Variants in SLC5A10 observed in about 807,000 individuals in gnomAD.
SLC5A10 encodes sodium/mannose cotransporter SLC5A10.
A neutral mutation model predicts 68.9 loss-of-function variants in SLC5A10; 55 were observed. That is an observed-to-expected ratio of 0.80 (90% confidence interval 0.64 to 1.00). The LOEUF is 1.00. Ranked by LOEUF, SLC5A10 falls within the 50% of genes least tolerant of loss-of-function variation. The pLI, the probability that SLC5A10 is intolerant of heterozygous loss-of-function variation, is 0.00. For synonymous variants in SLC5A10, 344 were observed against 344.8 expected (o/e 1.00, Z 0.02); for missense variants, 732 against 819.3 (o/e 0.89, Z 1.30).
chr17:18,966,351 C>T (rs947633921), intron 5 of SLC5A10, among the ~76,000 whole-genome samples: 7 of 152,144 alleles, frequency 4.6e-5, no homozygotes, highest in Non-Finnish European at 1.0e-4. Flanking sequence ...GTGGCCCTTC[C>T]TCGGGGATGC....
intron 9 of SLC5A10, among the ~76,000 whole-genome samples, chr17:18,981,930 T>C (rs1413225621): frequency 6.6e-6 from 1 of 152,128 alleles, no homozygotes; most frequent in Admixed American, 6.5e-5. Flanking sequence ...GCCTTCCCTG[T>C]CACTGAGCCC....
intron 9 of SLC5A10, among the ~76,000 whole-genome samples, chr17:18,984,554 T>G (rs1269310726): frequency 1.3e-5 from 2 of 152,200 alleles, no homozygotes; most frequent in East Asian, 1.9e-4. Flanking sequence ...AGCTGATGCT[T>G]CTTTGTTCAT....
intron 9 of SLC5A10, among the ~76,000 whole-genome samples, chr17:18,995,007 C>T (rs774615499): frequency 6.6e-6 from 1 of 152,202 alleles, no homozygotes; most frequent in African/African-American, 2.4e-5. Flanking sequence ...AGCATTAAAT[C>T]GTTTCCAAGT....
At chr17:18,960,698 C>A (rs1307170037) in intron 5 of SLC5A10, 46 bp downstream of exon 5, 2 of 1,554,838 alleles carry the variant, frequency 1.3e-6, no homozygotes, top group East Asian at 2.2e-5. Flanking sequence ...GAAACATCGC[C>A]AATCTGTGGG....
In SLC5A10 at chr17:18,969,163, G is replaced by C. The variant is rs377336455; in HGVS notation, c.559+6G>C. ...AGCCCTGTACACCATCGCAGGTATG[G>C]TGCCTGCAGCAGGGAGGTCCACCCA... On this transcript the variant is annotated splice_donor_region_variant and intron_variant, in intron 6 of 14. Transcript: ENST00000395645. 5.0e-6 allele frequency: 8 copies of C among 1,613,144 alleles called. No individual in the cohort carries two copies. The highest frequency in any genetic ancestry group is 5.1e-6 in the Non-Finnish European group (6 of 1,179,480).
chr17:19,004,092 C>G lies in SLC5A10; in HGVS notation c.983-9318C>G. 1 of 1,521,852 alleles carries G rather than the reference C, an allele frequency of 6.6e-7. No individual in the cohort carries two copies. 94.3% of individuals were successfully genotyped at this position (1,521,852 alleles called of 1,614,324 possible). A position where few individuals can be genotyped will look rare whatever the true frequency, so the allele number is the denominator to read the frequency against. On this transcript the variant is annotated intron_variant, in intron 9 of 14. Coordinates refer to ENST00000395645, the MANE Select transcript of SLC5A10 (RefSeq NM_001042450.4). This position sits in a 1 kb window ranked among gnomAD's most constrained non-coding sequence, Gnocchi z 5.4. The stretch of plus-strand genomic sequence containing the variant: ...CCGGGGGTGGGTGGGCAAGGTCCAG[C>G]TCCTAGCTCCGGCCCAGCTGGGGCA...
At chr17:18,976,721 C>A in intron 8 of SLC5A10, 133 bp from the exon 9 acceptor site, 2 of 1,200,260 alleles carry the variant, frequency 1.7e-6, no homozygotes, top group Non-Finnish European at 2.3e-6. Context: ...TTGAGTGTGG[C>A]TGTTTTGGGC....
intron 9 of SLC5A10, chr17:18,977,737 T>A: frequency 1.2e-6 from 2 of 1,607,458 alleles, no homozygotes; most frequent in Non-Finnish European, 1.7e-6. Context: ...GGCGCGGTGG[T>A]GGGGTTGGCC....
chr17:19,001,313 C>T (rs2152141255), intron 9 of SLC5A10, among the ~76,000 whole-genome samples: 1 of 152,326 alleles, frequency 6.6e-6, no homozygotes, highest in East Asian at 1.9e-4. Context: ...CCCTGTCCTT[C>T]TCTGTGCCTC....
intron 5 of SLC5A10, among the ~76,000 whole-genome samples, chr17:18,965,111 G>A (rs972998305): frequency 1.3e-5 from 2 of 151,138 alleles, no homozygotes; most frequent in African/African-American, 4.9e-5. Flanking sequence ...AAGAGGAAAT[G>A]CAGAGCCCCA....
intron 8 of SLC5A10, chr17:18,975,847 T>G (rs1305270405): frequency 6.6e-6 from 1 of 152,100 alleles, no homozygotes; most frequent in Non-Finnish European, 1.5e-5. Flanking sequence ...GTGTACACTT[T>G]GGGTGAATTA....
At chr17:18,987,368 G>A (rs1939771516) in intron 9 of SLC5A10, among the ~76,000 whole-genome samples, 9 of 152,230 alleles carry the variant, frequency 5.9e-5, no homozygotes, top group Admixed American at 5.9e-4. Flanking sequence ...AATGCAAAGT[G>A]CCTGTGACAG....
At chr17:18,955,085 CAA>C (rs398041580) in intron 1 of SLC5A10, among the ~76,000 whole-genome samples, 3,423 of 118,752 alleles carry the variant, frequency 0.029, 110 homozygotes, top group African/African-American at 0.11. Context: ...AACACTGTAT[CAA>C]AAAAAAAAAA....
chr17:19,003,350 TC>T lies in SLC5A10; in HGVS notation c.983-10056del, dbSNP rs2043780947. Among the ~76,000 whole-genome samples, 1 of 151,286 alleles carries T rather than the reference TC, an allele frequency of 6.6e-6. No individual in the cohort carries two copies. The highest frequency in any genetic ancestry group is 1.5e-5 in the Non-Finnish European group (1 of 67,826). ...CCCTACCCTGCAAAGAAACTGCGGA[TC>T]CCCACGAAGGTGGGGAGGAAACCTC... is the stretch of plus-strand genomic sequence containing the variant. On this transcript the variant is annotated intron_variant, in intron 9 of 14. Transcript: ENST00000395645. This position sits in a 1 kb window ranked among gnomAD's most constrained non-coding sequence, Gnocchi z 4.5.
chr17:18,969,010 C>T (rs1360616961), intron 5 of SLC5A10, 42 bp from the exon 6 acceptor site: 2 of 1,574,738 alleles, frequency 1.3e-6, no homozygotes, highest in Admixed American at 3.5e-5. Context: ...TTGCTGGAGC[C>T]CTGGGAATAA....
chr17:18,978,677 G>A, intron 9 of SLC5A10: 1 of 1,613,006 alleles, frequency 6.2e-7, no homozygotes, highest in Non-Finnish European at 8.5e-7. Context: ...GGGGACCACA[G>A]AGGGCAGCAC....
chr17:19,011,165 C>A (rs2044003691), intron 9 of SLC5A10, among the ~76,000 whole-genome samples: 1 of 152,186 alleles, frequency 6.6e-6, no homozygotes, highest in Admixed American at 6.5e-5. Flanking sequence ...TGTAAACAAA[C>A]AACTGTGATT....
chr17:19,019,391 A>G, intron 11 of SLC5A10, 32 bp from the exon 12 acceptor site: 1 of 1,593,628 alleles, frequency 6.3e-7, no homozygotes, highest in Non-Finnish European at 8.5e-7. Context: ...GCCTCCCACG[A>G]CGACCGCTGC....
chr17:18,978,228 G>A (rs1463354115), intron 9 of SLC5A10: 2 of 1,585,706 alleles, frequency 1.3e-6, no homozygotes, highest in Admixed American at 3.4e-5. Flanking sequence ...GGGGCACTGG[G>A]CTCTGGGGGA....
Sources: gnomAD v4.1 joint callset for allele counts (sites outside exome capture counted in the v4.1 genomes callset) on GRCh38, gnomAD v4.1.1 for gene constraint, Gnocchi (gnomAD v3.1) non-coding constraint, MANE v1.5 for transcripts, NCBI Gene and HGNC (gene_info 2026-07-23, HGNC 2026-07-21) for gene names.